The following CFAP69 variants were observed in gnomAD, a reference collection of about 807,000 sequenced individuals.
The protein encoded by CFAP69 is cilia- and flagella-associated protein 69.
CFAP69 carries 92 observed loss-of-function variants against 123.0 expected under a neutral mutation model. That is an observed-to-expected ratio of 0.75 (90% CI 0.63 to 0.89). The LOEUF (loss-of-function observed/expected upper bound fraction) is 0.89. Among genes scored for constraint, CFAP69 ranks in the 40% least tolerant of loss-of-function variants. The pLI is 0.00. For missense variants in CFAP69, 1,067 were observed against 1,096.9 expected (o/e 0.97, Z 0.39); for synonymous variants, 380 against 364.3 (o/e 1.04, Z -0.49).
At chr7:90,292,002 T>C (rs1791273665) in intron 15 of CFAP69, among the ~76,000 whole-genome samples, 1 of 152,134 alleles carries the variant, frequency 6.6e-6, no homozygotes. Flanking sequence ...CTGATGAGAC[T>C]AGAATCTAAC....
At chr7:90,265,226 C>T in intron 4 of CFAP69, 75 bp from the exon 5 acceptor site, 1 of 849,794 alleles carries the variant, frequency 1.2e-6, no homozygotes, top group Non-Finnish European at 2.0e-6. Flanking sequence ...AATGAACTCT[C>T]CCCCACTTAC....
In CFAP69 at chr7:90,279,883, T is replaced by C; in HGVS notation, c.1362T>C (p.Cys454=). 6.3e-7 allele frequency: 1 copy of C among 1,591,772 alleles called. No homozygotes were observed. Among genetic ancestry groups the C allele is most frequent in the South Asian group, 1.2e-5 (1 of 86,634 alleles). Residue 454 remains cysteine (C), a synonymous_variant, in exon 12 of 23, where the codon TGT becomes TGC. Coordinates refer to ENST00000389297, the MANE Select transcript of CFAP69 (RefSeq NM_001039706.3). ...GAGTCCTTGCATTTCTAGAATGGTG[T>C]GAGAGTGAAGGTGAGTGGCCCTTCA... ...NARVLAFLEW[C]ESEDPFFSHG...
intron 11 of CFAP69, among the ~76,000 whole-genome samples, chr7:90,278,918 T>G (rs1280465837): frequency 6.6e-6 from 1 of 152,156 alleles, no homozygotes. Context: ...ATTAATTGTT[T>G]TTGTTAAAAT....
chr7:90,246,239 C>G (rs922378166), intron 1 of CFAP69, among the ~76,000 whole-genome samples: 1 of 152,168 alleles, frequency 6.6e-6, no homozygotes, highest in Non-Finnish European at 1.5e-5. Flanking sequence ...CCTTGGATCT[C>G]TATTCGAGGC....
At chr7:90,316,036 G>A (rs539267355), downstream of CFAP69, among the ~76,000 whole-genome samples, 247 of 152,340 alleles carry the variant, frequency 1.6e-3, 1 homozygote, top group African/African-American at 5.6e-3. Flanking sequence ...GGAGGCTGCA[G>A]TGAGCCAAGA....
intron 5 of CFAP69, among the ~76,000 whole-genome samples, chr7:90,266,541 C>T (rs1799190538): frequency 6.6e-6 from 1 of 152,072 alleles, no homozygotes; most frequent in Non-Finnish European, 1.5e-5. Context: ...TTAAATATTG[C>T]TTCCAAGAGT....
intron 15 of CFAP69, among the ~76,000 whole-genome samples, chr7:90,295,819 A>G (rs1791860733): frequency 6.6e-6 from 1 of 152,172 alleles, no homozygotes; most frequent in African/African-American, 2.4e-5. Flanking sequence ...CCAAACATGG[A>G]GTGGATTATT....
chr7:90,284,208 T>C (rs1485991356), intron 13 of CFAP69, among the ~76,000 whole-genome samples: 1 of 152,208 alleles, frequency 6.6e-6, no homozygotes, highest in Non-Finnish European at 1.5e-5. Flanking sequence ...CTGATCTTTA[T>C]GTTAAGTTCT....
intron 22 of CFAP69, 145 bp downstream of exon 22, chr7:90,309,512 T>C (rs1171418735): frequency 4.7e-6 from 2 of 421,872 alleles, no homozygotes; most frequent in Non-Finnish European, 8.4e-6. Flanking sequence ...AATAAAACTG[T>C]TCAAAAAAAA....
At chr7:90,298,024 G>C (rs1325175989) in intron 16 of CFAP69, among the ~76,000 whole-genome samples, 194 bp downstream of exon 16, 2 of 152,150 alleles carry the variant, frequency 1.3e-5, no homozygotes. Flanking sequence ...AATTCCTCTG[G>C]TTGGAAAGTC....
intron 15 of CFAP69, among the ~76,000 whole-genome samples, chr7:90,293,524 G>T (rs1791506161): frequency 6.6e-6 from 1 of 151,970 alleles, no homozygotes; most frequent in Admixed American, 6.6e-5. Context: ...GCCCCAACTT[G>T]CTTAAACCTT....
At chr7:90,313,244 C>A (rs1794475428), downstream of CFAP69, among the ~76,000 whole-genome samples, 2 of 152,190 alleles carry the variant, frequency 1.3e-5, no homozygotes, top group Non-Finnish European at 2.9e-5. Context: ...CCAAACAGAT[C>A]AAAGATTTTT....
In CFAP69 at chr7:90,286,334, T is replaced by C. The variant is rs760606470; in HGVS notation, c.1591T>C (p.Leu531=). 6.8e-6 allele frequency: 11 copies of C among 1,610,386 alleles called. No homozygotes were observed. The highest frequency in any genetic ancestry group is 2.7e-5 in the African/African-American group (2 of 74,780). The change falls in exon 14 of 23, where the codon TTG becomes CTG. Residue 531 remains leucine (L), a synonymous_variant. Coordinates refer to ENST00000389297, the MANE Select transcript of CFAP69 (RefSeq NM_001039706.3). The stretch of plus-strand genomic sequence containing the variant: ...TAATGAAAAGGAAGAAGCCATTGTT[T>C]TGGAAATCCAGTCTGATATATTACT... ...KPNEKEEAIV[L]EIQSDILLIL...
At chr7:90,264,897 G>A (rs1162993265) in intron 4 of CFAP69, among the ~76,000 whole-genome samples, 1 of 151,920 alleles carries the variant, frequency 6.6e-6, no homozygotes, top group Non-Finnish European at 1.5e-5. Flanking sequence ...GGATTCTAGC[G>A]ATTCTCCTGC....
At chr7:90,299,836 A>G in intron 16 of CFAP69, 31 bp from the exon 17 acceptor site, 3 of 1,522,524 alleles carry the variant, frequency 2.0e-6, no homozygotes, top group Middle Eastern at 2.1e-4. Context: ...ATTTATTGCA[A>G]CTTTTTTCCT....
chr7:90,257,129 G>C (rs1223700655), intron 2 of CFAP69, among the ~76,000 whole-genome samples: 1 of 151,970 alleles, frequency 6.6e-6, no homozygotes, highest in Non-Finnish European at 1.5e-5. Context: ...TTCCTAATAG[G>C]GTCATTTTGG....
chr7:90,266,954 C>A lies in CFAP69; in HGVS notation c.434-1332C>A, dbSNP rs529625388. On this transcript the variant is annotated intron_variant, in intron 5 of 22. Coordinates refer to ENST00000389297, the MANE Select transcript of CFAP69 (RefSeq NM_001039706.3). ...ATGGGGGAAGAAGTTGGTACTCTGC[C>A]CTGGGATTATGAAACAGGAAGCTAT... 1.0e-3 allele frequency among the ~76,000 whole-genome samples: 155 copies of A among 152,086 alleles called. 1 individual carries two copies. Among genetic ancestry groups the A allele is most frequent in the Non-Finnish European group, 1.4e-3 (93 of 67,980 alleles).
In CFAP69 at chr7:90,245,447, C is replaced by T. The variant is rs1266463129; in HGVS notation, c.23C>T (p.Ala8Val). The change falls in exon 1 of 23, where the codon GCG becomes GTG. Residue 8 changes from alanine to valine, a missense_variant. Ala to Val is a moderately conservative substitution (Grantham distance 64). Coordinates refer to ENST00000389297, the MANE Select transcript of CFAP69 (RefSeq NM_001039706.3). MWTEEAG[A>V]TAEAQESGIR... Reference sequence around the variant, plus strand: ...GCCATGTGGACAGAGGAAGCCGGGGCGACCGCCGAGGCCCAGGAATCCGGC... The same window carrying T: ...GCCATGTGGACAGAGGAAGCCGGGGTGACCGCCGAGGCCCAGGAATCCGGC... 3 of 1,556,832 alleles carry T rather than the reference C, an allele frequency of 1.9e-6. No individual in the cohort carries two copies. Among genetic ancestry groups the T allele is most frequent in the South Asian group, 1.2e-5 (1 of 85,520 alleles).
At chr7:90,250,529 T>C (rs1584291763) in intron 1 of CFAP69, among the ~76,000 whole-genome samples, 1 of 152,322 alleles carries the variant, frequency 6.6e-6, no homozygotes, top group East Asian at 1.9e-4. Context: ...GAAATGTCCC[T>C]GGGTAAAGTG....
Sources: gnomAD v4.1 joint callset for allele counts (sites outside exome capture counted in the v4.1 genomes callset) on GRCh38, gnomAD v4.1.1 for gene constraint, MANE v1.5 for transcripts, NCBI Gene and HGNC (gene_info 2026-07-23, HGNC 2026-07-21) for gene names.